GALNT14: variants seen among roughly 807,000 people sequenced by gnomAD.
GALNT14 encodes polypeptide N-acetylgalactosaminyltransferase 14.
Under a neutral mutation model 77.5 loss-of-function variants are expected in GALNT14, and 60 were observed. That is an observed-to-expected ratio of 0.77 (90% CI 0.63 to 0.96). GALNT14 has a LOEUF of 0.96. Among genes scored for constraint, GALNT14 ranks in the 40% least tolerant of loss-of-function variants. The probability of loss-of-function intolerance (pLI) is 0.00; values close to 1 mark genes in which losing one functional copy is unlikely to be tolerated. For missense variants in GALNT14, 710 were observed against 731.0 expected, an observed-to-expected ratio of 0.97 and a Z score of 0.33; for synonymous variants, 280 against 281.7, an observed-to-expected ratio of 0.99 and a Z score of 0.06.
intron 1 of GALNT14, among the ~76,000 whole-genome samples, chr2:31,023,438 C>A (rs1431944430): frequency 6.6e-6 from 1 of 152,108 alleles, no homozygotes; most frequent in Non-Finnish European, 1.5e-5. Flanking sequence ...CATTAGCATA[C>A]ATGCGGTGAA....
At chr2:31,022,921 T>C (rs970506058) in intron 1 of GALNT14, among the ~76,000 whole-genome samples, 1 of 152,194 alleles carries the variant, frequency 6.6e-6, no homozygotes, top group Admixed American at 6.5e-5. Context: ...GCATGCGCTC[T>C]GTCTGCTTAT....
chr2:30,945,223 G>A lies in GALNT14; in HGVS notation c.743-281C>T, dbSNP rs913223236. On this transcript the variant is annotated intron_variant, in intron 7 of 14. Coordinates refer to ENST00000349752, the MANE Select transcript of GALNT14 (RefSeq NM_024572.4). ...AGAGGATAAAAAGCCTAGGGGTAGG[G>A]GCCGAGGATGACAGGATGGACAGTC... Among the ~76,000 whole-genome samples, 86 of 152,314 alleles carry A rather than the reference G, an allele frequency of 5.6e-4. 1 individual carries two copies. Among genetic ancestry groups the A allele is most frequent in the African/African-American group, 2.0e-3 (85 of 41,568 alleles).
chr2:31,062,903 A>G (rs1214068320), intron 1 of GALNT14, among the ~76,000 whole-genome samples: 1 of 151,936 alleles, frequency 6.6e-6, no homozygotes, highest in Non-Finnish European at 1.5e-5. Flanking sequence ...ACTTTTTGAT[A>G]GGGTTGTTTG....
chr2:31,056,543 C>A (rs1400594792), intron 1 of GALNT14, among the ~76,000 whole-genome samples: 1 of 152,160 alleles, frequency 6.6e-6, no homozygotes, highest in Non-Finnish European at 1.5e-5. Context: ...TGATTCAGAT[C>A]AATGTACCAG....
At chr2:31,112,981 T>C (rs75739374) in intron 1 of GALNT14, among the ~76,000 whole-genome samples, 2,405 of 152,318 alleles carry the variant, frequency 0.016, 54 homozygotes, top group African/African-American at 0.054. Flanking sequence ...AATAAAATTC[T>C]AGAAACACTT....
chr2:31,012,263 G>T (rs1671079418), intron 1 of GALNT14, among the ~76,000 whole-genome samples: 1 of 152,132 alleles, frequency 6.6e-6, no homozygotes, highest in Non-Finnish European at 1.5e-5. Flanking sequence ...TTTTGGTCTG[G>T]CTTAACCCTG....
the GALNT14 span, among the ~76,000 whole-genome samples, chr2:30,895,404 G>C: frequency 6.6e-6 from 1 of 152,150 alleles, no homozygotes; most frequent in Non-Finnish European, 1.5e-5. Flanking sequence ...AGGGTGCTAT[G>C]GGGACACAAA....
intron 1 of GALNT14, among the ~76,000 whole-genome samples, chr2:31,122,937 T>C (rs962931156): frequency 1.2e-4 from 19 of 152,282 alleles, no homozygotes; most frequent in Admixed American, 1.2e-3. Context: ...ATCCCAGCAC[T>C]TTGGGAGGCC....
intron 1 of GALNT14, among the ~76,000 whole-genome samples, chr2:31,107,177 T>C (rs1427471087): frequency 6.6e-6 from 1 of 152,250 alleles, no homozygotes; most frequent in Non-Finnish European, 1.5e-5. Context: ...TTTGTATAAA[T>C]GCACCTCCTC....
chr2:30,946,118 A>G (rs1666680680), intron 6 of GALNT14, among the ~76,000 whole-genome samples: 1 of 152,176 alleles, frequency 6.6e-6, no homozygotes, highest in Non-Finnish European at 1.5e-5. Flanking sequence ...CGCAGTGGCC[A>G]TCTAAGAAAG....
At chr2:31,121,573 C>A (rs915904471) in intron 1 of GALNT14, among the ~76,000 whole-genome samples, 3 of 152,060 alleles carry the variant, frequency 2.0e-5, no homozygotes, top group African/African-American at 7.3e-5. Context: ...TTAACTTTTC[C>A]GCAGTCTGGC....
intron 8 of GALNT14, among the ~76,000 whole-genome samples, chr2:30,944,484 C>A (rs1243465183): frequency 6.6e-6 from 1 of 152,200 alleles, no homozygotes; most frequent in African/African-American, 2.4e-5. Context: ...CATCTCTGGG[C>A]TGAATCCTGA....
chr2:30,967,190 T>C (rs1288033471), intron 2 of GALNT14, among the ~76,000 whole-genome samples: 1 of 152,180 alleles, frequency 6.6e-6, no homozygotes, highest in African/African-American at 2.4e-5. Context: ...GGGCTTTTAA[T>C]ATAGGGTTCA....
chr2:31,041,436 C>A (rs1462891018), intron 1 of GALNT14, among the ~76,000 whole-genome samples: 1 of 151,994 alleles, frequency 6.6e-6, no homozygotes, highest in Non-Finnish European at 1.5e-5. Context: ...ATGGGGTGGT[C>A]TGAGGGGCAC....
At chr2:31,090,989 C>A (rs1368247534) in intron 1 of GALNT14, among the ~76,000 whole-genome samples, 2 of 152,134 alleles carry the variant, frequency 1.3e-5, no homozygotes, top group South Asian at 4.2e-4. Context: ...ACTTTTAAAC[C>A]GACCCTCTGA....
At position 30,912,258 on chromosome 2, in the gene GALNT14, C is replaced by A; in HGVS notation, c.1465G>T (p.Val489Phe). ...VITLFPGAPV[V>F]LVLCKNGDDR... ...TCTCCATTCTTGCAAAGGACAAGAA[C>A]CACTGGGGCGCCAGGGAACAAGGTG... is the stretch of plus-strand genomic sequence containing the variant. The change falls in exon 14 of 15, where the codon GTT becomes TTT. Residue 489 changes from valine to phenylalanine, a missense_variant. Val to Phe is a conservative substitution (Grantham distance 50, BLOSUM62 -1). Transcript: ENST00000349752. 1 of 1,614,186 alleles carries A rather than the reference C, an allele frequency of 6.2e-7. No individual in the cohort carries two copies. Among genetic ancestry groups the A allele is most frequent in the Non-Finnish European group, 8.5e-7 (1 of 1,180,046 alleles).
chr2:31,039,700 T>C (rs1198416372), intron 1 of GALNT14, among the ~76,000 whole-genome samples: 1 of 152,200 alleles, frequency 6.6e-6, no homozygotes, highest in African/African-American at 2.4e-5. Flanking sequence ...TTTTCTTTAG[T>C]TCTACATTAT....
chr2:30,888,640 C>CG, the GALNT14 span, among the ~76,000 whole-genome samples: 1 of 151,602 alleles, frequency 6.6e-6, no homozygotes, highest in Admixed American at 6.6e-5. Flanking sequence ...GTTGGGAGGC[C>CG]GGGGGTGGGG....
chr2:31,123,832 T>C (rs532660555), intron 1 of GALNT14, among the ~76,000 whole-genome samples: 102 of 152,298 alleles, frequency 6.7e-4, no homozygotes, highest in South Asian at 1.9e-3. Context: ...TTCTTCCCCT[T>C]GGCCTCACAT....
Sources: allele counts gnomAD v4.1 joint callset (sites outside exome capture counted in the v4.1 genomes callset), GRCh38; gene constraint gnomAD v4.1.1; transcripts MANE v1.5; gene names NCBI Gene and HGNC (gene_info 2026-07-23, HGNC 2026-07-21).